Variants in PLEC observed in about 807,000 individuals in gnomAD.
PLEC encodes plectin, also known as hemidesmosomal protein 1.
A neutral mutation model predicts 392.8 loss-of-function variants in PLEC; 216 were observed. The ratio of observed to expected loss-of-function variants is 0.55; its 90% CI spans 0.49 to 0.62. The LOEUF (loss-of-function observed/expected upper bound fraction) is 0.62, where lower values mean the gene tolerates loss of function less well. Ranked by LOEUF, PLEC falls within the 20% of genes least tolerant of loss-of-function variation. The pLI, the probability that PLEC is intolerant of heterozygous loss-of-function variation, is 0.00. For missense variants in PLEC, 6,863 were observed against 6,563.4 expected, an observed-to-expected ratio of 1.05 and a Z score of -1.58; for synonymous variants, 3,621 against 2,980.6, an observed-to-expected ratio of 1.21 and a Z score of -7.00.
intron 30 of PLEC, 72 bp from the exon 31 acceptor site, chr8:143,925,956 A>G (rs923833268): frequency 1.1e-4 from 153 of 1,450,416 alleles, no homozygotes; most frequent in Non-Finnish European, 1.2e-4. Context: ...CGGGGCACGC[A>G]CCGGCACAGT....
upstream of PLEC, chr8:143,958,458 A>G (rs1295679552): frequency 2.9e-5 from 9 of 313,322 alleles, no homozygotes; most frequent in African/African-American, 2.0e-4. This position sits in a 1 kb window ranked among gnomAD's most constrained non-coding sequence, Gnocchi z 4.9. Context: ...TCCCACCCAC[A>G]TGACCATCCA....
Position 143,927,706 on chromosome 8 carries a change from G to A in PLEC, c.3460C>T (p.Arg1154Trp), listed in dbSNP as rs782544250. The A allele has an allele frequency of 1.3e-4, 212 of 1,586,710 alleles. No homozygotes were observed. Among genetic ancestry groups the A allele is most frequent in the Middle Eastern group, 1.7e-4 (1 of 6,042 alleles). Residue 1154 changes from arginine (R) to tryptophan (W), a missense_variant, in exon 27 of 32, where the codon CGG (arginine) becomes TGG (tryptophan). Transcript: ENST00000345136. Reference sequence around the variant, plus strand: ...CGCTCCCCCACCTCCTGTGCCCCCCGCAGCTCATCCCGCAGGGCGTCGAAC... The same window carrying A: ...CGCTCCCCCACCTCCTGTGCCCCCCACAGCTCATCCCGCAGGGCGTCGAAC... ...PTFDALRDEL[R>W]GAQEVGERLQ...
In PLEC at chr8:143,918,751, G is replaced by A. The variant is rs1467952330; in HGVS notation, c.11070C>T (p.Gly3690=). ...CGGGCAGGTAGACACCAGCCACGGAGCCCGTGCCATAGAGGTAGCACCAGG... is the reference window on the plus strand; with the variant it reads ...CGGGCAGGTAGACACCAGCCACGGAACCCGTGCCATAGAGGTAGCACCAGG... ...ESAWCYLYGT[G]SVAGVYLPGS... is the part of the protein sequence containing the mutation. Residue 3690 remains glycine (G), a synonymous_variant, in exon 32 of 32, where the codon GGC becomes GGT. Coordinates refer to ENST00000345136, the MANE Select transcript of PLEC (RefSeq NM_201384.3). The A allele has an allele frequency of 3.1e-6, 5 of 1,613,066 alleles. No individual in the cohort carries two copies. Among genetic ancestry groups the A allele is most frequent in the Non-Finnish European group, 3.4e-6 (4 of 1,180,004 alleles).
At chr8:143,948,758 C>T (rs535152163) in intron 1 of PLEC, among the ~76,000 whole-genome samples, 34 of 152,326 alleles carry the variant, frequency 2.2e-4, no homozygotes, top group East Asian at 5.8e-4. Flanking sequence ...AGCCCAGCCA[C>T]GGACAAGGAA....
rs782219877 is a variant in PLEC at position 143,923,332 on chromosome 8, G to A, written c.6597C>T (p.Asp2199=). 13 of 1,609,990 alleles carry A rather than the reference G, an allele frequency of 8.1e-6. No individual in the cohort carries two copies. In the Admixed American group the frequency reaches 2.0e-4, roughly 25 times the overall value. Residue 2199 remains aspartate (D), a synonymous_variant, in exon 31 of 32, where the codon GAC becomes GAT. Transcript: ENST00000345136. ...CCTCGTCCAGCAGGTTCTTCTGGTG[G>A]TCGGTCTCCTCCAGCTGCAGCCGCA... ...TTLRLQLEET[D]HQKNLLDEEL...
rs1300205701 is a variant in PLEC at position 143,969,607 on chromosome 8, G to A, written c.70+3796C>T. 6.6e-6 allele frequency among the ~76,000 whole-genome samples: 1 copy of A among 152,186 alleles called. No homozygotes were observed. Among genetic ancestry groups the A allele is most frequent in the African/African-American group, 2.4e-5 (1 of 41,428 alleles). On this transcript the variant is annotated intron_variant, in intron 1 of 31. Transcript: ENST00000356346. The surrounding 1 kb of genome is among the most constrained non-coding windows in gnomAD (Gnocchi z 5.1). ...TCTAGGAGAGAGTTGTGGCAATGCA[G>A]GTGAGTGGAGGTGAGGCGGTCAGTG...
Position 143,924,116 on chromosome 8 carries a change from G to GCCGCCTTCTCGAAGC in PLEC, c.5798_5812dup (p.Ala1937_Ala1938insGlyPheGluLysAla). 1 of 1,598,666 alleles carries GCCGCCTTCTCGAAGC rather than the reference G, an allele frequency of 6.3e-7. No homozygotes were observed. Among genetic ancestry groups the GCCGCCTTCTCGAAGC allele is most frequent in the East Asian group, 2.2e-5 (1 of 44,770 alleles). ...CAGCTCCAGCTCCGCCTTGCCAGCGGCCGCCTTCTCGAAGCTCGCCTTCAG... is the reference window on the plus strand; with the variant it reads ...CAGCTCCAGCTCCGCCTTGCCAGCGGCCGCCTTCTCGAAGCCCGCCTTCTCGAAGCTCGCCTTCAG... On this transcript the variant is annotated inframe_insertion, in exon 31 of 32. Transcript: ENST00000345136.
chr8:143,925,009 C>A lies in PLEC; in HGVS notation c.4920G>T (p.Glu1640Asp). 2 of 1,573,734 alleles carry A rather than the reference C, an allele frequency of 1.3e-6. No individual in the cohort carries two copies. Among genetic ancestry groups the A allele is most frequent in the Non-Finnish European group, 1.7e-6 (2 of 1,167,944 alleles). Residue 1640 changes from glutamate (E) to aspartate (D), a missense_variant, in exon 31 of 32, where the codon GAG (glutamate) becomes GAT (aspartate). By Grantham distance (45) the Glu-to-Asp change is conservative. Coordinates refer to ENST00000345136, the MANE Select transcript of PLEC (RefSeq NM_201384.3). ...CCGCCTGCAGCCGCAGCCGTAGCGC[C>A]TCGTTGGCCTTGAGCTGCCAGCGCT... Reference protein sequence around the residue: ...ELERWQLKANEALRLRLQAEE... With the variant: ...ELERWQLKANDALRLRLQAEE...
At position 143,932,986 on chromosome 8, in the gene PLEC, G is replaced by A. The variant is rs782052037; in HGVS notation, c.1544C>T (p.Pro515Leu). Residue 515 changes from proline (P) to leucine (L), a missense_variant, in exon 14 of 32, where the codon CCC becomes CTC. Coordinates refer to ENST00000345136, the MANE Select transcript of PLEC (RefSeq NM_201384.3). The stretch of plus-strand genomic sequence containing the variant: ...GCGCAGAGTGGAGTCCTCCAGCTCG[G>A]GGCGCCTCTGCACACTCTGCAGAGT... ...QVTLQSVQRR[P>L]ELEDSTLRYL... is the part of the protein sequence containing the mutation. 7 of 1,610,852 alleles carry A rather than the reference G, an allele frequency of 4.3e-6. No homozygotes were observed. In the East Asian group the frequency reaches 1.6e-4, roughly 36 times the overall value.
At chr8:143,938,756 A>G in intron 1 of PLEC, 64 bp from the exon 2 acceptor site, 7 of 1,391,396 alleles carry the variant, frequency 5.0e-6, no homozygotes, top group Non-Finnish European at 7.1e-6. Flanking sequence ...TCAGGTGACC[A>G]CCGTGCAGAC....
Position 143,973,224 on chromosome 8 carries a change from G to A in PLEC, c.70+179C>T, listed in dbSNP as rs1263376246. Among the ~76,000 whole-genome samples the A allele has an allele frequency of 6.7e-6, 1 of 148,742 alleles. No homozygotes were observed. Among genetic ancestry groups the A allele is most frequent in the African/African-American group, 2.4e-5 (1 of 40,874 alleles). On this transcript the variant is annotated intron_variant, in intron 1 of 31. Coordinates refer to the PLEC transcript ENST00000356346. The surrounding 1 kb of genome is among the most constrained non-coding windows in gnomAD (Gnocchi z 5.6). ...TTAAGGGCATGGCCTCGGGGGCTCAGCGGAGCGAGTCCTCCCCTTCCCTAG... is the reference window on the plus strand; with the variant it reads ...TTAAGGGCATGGCCTCGGGGGCTCAACGGAGCGAGTCCTCCCCTTCCCTAG...
rs1554670189 is a variant in PLEC at position 143,916,824 on chromosome 8, T to C, written c.12997A>G (p.Thr4333Ala). 5 of 1,612,704 alleles carry C rather than the reference T, an allele frequency of 3.1e-6. No homozygotes were observed. In the South Asian group the frequency reaches 5.5e-5, roughly 18 times the overall value. The change falls in exon 32 of 32, where the codon ACC becomes GCC. Residue 4333 changes from threonine (T) to alanine (A), a missense_variant. Thr to Ala is a moderately conservative substitution (Grantham distance 58, BLOSUM62 0). Transcript: ENST00000345136. ...DPSTGERFPV[T>A]DAVNKGLVDK... is the part of the protein sequence containing the mutation. The stretch of plus-strand genomic sequence containing the variant: ...ACCAGGCCCTTGTTGACGGCGTCGG[T>C]GACAGGGAAGCGCTCACCGGTGCTG...
At chr8:143,942,292 C>G, upstream of PLEC, 1 of 1,440,324 alleles carries the variant, frequency 6.9e-7, no homozygotes, top group South Asian at 1.2e-5. Flanking sequence ...GGCGCCACCC[C>G]CATCCCAGCC....
In PLEC at chr8:143,924,484, C is replaced by T; in HGVS notation, c.5445G>A (p.Arg1815=). 2 of 1,538,252 alleles carry T rather than the reference C, an allele frequency of 1.3e-6. No individual in the cohort carries two copies. Among genetic ancestry groups the T allele is most frequent in the South Asian group, 2.4e-5 (2 of 84,000 alleles). The change falls in exon 31 of 32, where the codon CGG becomes CGA. Residue 1815 remains arginine (R), a synonymous_variant. Transcript: ENST00000345136. ...RLRALAEEAK[R]QRQLAEEDAA... ...CGTCTTCCTCGGCCAGCTGCCGCTG[C>T]CGCTTGGCCTCTTCCGCCAGGGCAC...
intron 1 of PLEC, chr8:143,950,128 G>A (rs1369320133): frequency 1.4e-5 from 21 of 1,456,878 alleles, no homozygotes; most frequent in South Asian, 2.9e-5. Context: ...CCCAAGACCC[G>A]ACAACCAGAC....
upstream of PLEC, chr8:143,953,834 T>A: frequency 6.2e-7 from 1 of 1,602,328 alleles, no homozygotes; most frequent in South Asian, 1.1e-5. Context: ...CGCACCGCAC[T>A]GCCCAGGCCA....
Position 143,922,400 on chromosome 8 carries a change from A to G in PLEC, c.7426-5T>C. 6.2e-7 allele frequency: 1 copy of G among 1,601,040 alleles called. No individual in the cohort carries two copies. Among genetic ancestry groups the G allele is most frequent in the Non-Finnish European group, 8.5e-7 (1 of 1,179,850 alleles). ...CTCCTGCTGCACCGTCTGCATCTGC[A>G]GAAGAAGAGGGTGTGATCAGGGACC... is the stretch of plus-strand genomic sequence containing the variant. On this transcript the variant is annotated splice_region_variant and splice_polypyrimidine_tract_variant and intron_variant, in intron 31 of 31. Transcript: ENST00000345136.
rs782099953 is a variant in PLEC, at chr8:143,921,324, C to T, written c.8497G>A (p.Gly2833Ser). The part of the protein sequence containing the change: ...RVPVDVAYRR[G>S]YFDEEMNRVL... ...CGGTTCATCTCCTCGTCGAAGTAGC[C>T]GCGCCGGTAGGCCACGTCCACGGGC... The change falls in exon 32 of 32, where the codon GGC (glycine) becomes AGC (serine). Residue 2833 changes from glycine to serine, a missense_variant. Transcript: ENST00000345136. 4.5e-5 allele frequency: 72 copies of T among 1,613,782 alleles called. No homozygotes were observed. The Admixed American group carries it at 4.7e-4, about 10-fold the overall frequency.
rs1400256499 is a variant in PLEC at position 143,921,702 on chromosome 8, T to C, written c.8119A>G (p.Asn2707Asp). The C allele has an allele frequency of 8.7e-6, 14 of 1,612,924 alleles. No homozygotes were observed. Among genetic ancestry groups the C allele is most frequent in the Non-Finnish European group, 1.1e-5 (13 of 1,179,906 alleles). The change falls in exon 32 of 32, where the codon AAT becomes GAT. Residue 2707 changes from asparagine to aspartate, a missense_variant. Transcript: ENST00000345136. ...SIAGLLLKATNEKLSVYAALQ... is the reference protein window; with the variant it reads ...SIAGLLLKATDEKLSVYAALQ... ...GCGGCGTAAACACTCAGCTTCTCATTGGTGGCCTTCAGCAACAGCCCTGCG... is the reference window on the plus strand; with the variant it reads ...GCGGCGTAAACACTCAGCTTCTCATCGGTGGCCTTCAGCAACAGCCCTGCG...
Sources: gnomAD v4.1 joint callset for allele counts (sites outside exome capture counted in the v4.1 genomes callset) on GRCh38, gnomAD v4.1.1 for gene constraint, Gnocchi (gnomAD v3.1) non-coding constraint, MANE v1.5 for transcripts, NCBI Gene and HGNC (gene_info 2026-07-23, HGNC 2026-07-21) for gene names.